BTBD9: variants seen among roughly 807,000 people sequenced by gnomAD.
The protein encoded by BTBD9 is BTB/POZ domain-containing protein 9.
Under a neutral mutation model 64.3 loss-of-function variants are expected in BTBD9, and 49 were observed. That is an observed-to-expected ratio of 0.76 (90% confidence interval 0.61 to 0.97). The LOEUF (loss-of-function observed/expected upper bound fraction) is 0.97. Ranked by LOEUF, BTBD9 falls within the 50% of genes least tolerant of loss-of-function variation. The pLI is 0.00. For synonymous variants in BTBD9, 260 were observed against 274.7 expected (o/e 0.95, Z 0.53); for missense variants, 598 against 762.1 (o/e 0.78, Z 2.53).
chr6:38,358,429 G>A (rs556578003), intron 6 of BTBD9, among the ~76,000 whole-genome samples: 8 of 152,272 alleles, frequency 5.3e-5, no homozygotes, highest in East Asian at 1.9e-4. Flanking sequence ...GCAGAGCTAC[G>A]GGAATAGAGT....
chr6:38,241,305 T>C (rs1763984771), intron 9 of BTBD9, among the ~76,000 whole-genome samples: 1 of 152,204 alleles, frequency 6.6e-6, no homozygotes, highest in East Asian at 1.9e-4. Flanking sequence ...ACTAAGGCTC[T>C]GAGAACCGCA....
chr6:38,278,418 G>C (rs1283689719), intron 8 of BTBD9, among the ~76,000 whole-genome samples: 2 of 152,206 alleles, frequency 1.3e-5, no homozygotes, highest in Non-Finnish European at 2.9e-5. Flanking sequence ...TAAAGTCTCA[G>C]TTGCAACATA....
intron 1 of BTBD9, among the ~76,000 whole-genome samples, chr6:38,605,056 T>A (rs1478080713): frequency 1.3e-5 from 2 of 152,058 alleles, no homozygotes; most frequent in Non-Finnish European, 2.9e-5. Flanking sequence ...TAATTCTTTT[T>A]TTTTTTTTTA....
chr6:38,512,916 A>G (rs775262957), intron 6 of BTBD9, among the ~76,000 whole-genome samples: 14 of 152,222 alleles, frequency 9.2e-5, no homozygotes, highest in Non-Finnish European at 1.9e-4. Context: ...AAGATGATGT[A>G]TAGCCTGAAA....
chr6:38,596,400 C>A (rs1206684465), intron 2 of BTBD9, among the ~76,000 whole-genome samples: 1 of 152,004 alleles, frequency 6.6e-6, no homozygotes, highest in African/African-American at 2.4e-5. Flanking sequence ...ATACTAATCA[C>A]CTAAAAGATA....
intron 9 of BTBD9, among the ~76,000 whole-genome samples, chr6:38,233,522 T>A (rs1383788664): frequency 6.6e-6 from 1 of 152,202 alleles, no homozygotes; most frequent in Non-Finnish European, 1.5e-5. Flanking sequence ...CACACAAGGC[T>A]GGGCAGAAAG....
At position 38,540,110 on chromosome 6, in the gene BTBD9, T is replaced by C. The variant is rs80014255; in HGVS notation, c.1154+37490A>G. On this transcript the variant is annotated intron_variant, in intron 6 of 10. Coordinates refer to ENST00000481247, the MANE Select transcript of BTBD9 (RefSeq NM_001099272.2). ...TCCAAATTTTAAAATGGGGCTGAGA[T>C]AGTTTAGGACTCAAAAGTATACTAG... Among the ~76,000 whole-genome samples the C allele has an allele frequency of 4.6e-3, 701 of 152,284 alleles. 5 individuals carry two copies. Among genetic ancestry groups the C allele is most frequent in the African/African-American group, 0.016 (660 of 41,540 alleles).
intron 7 of BTBD9, among the ~76,000 whole-genome samples, chr6:38,327,815 T>C (rs1327336824): frequency 6.6e-6 from 1 of 152,222 alleles, no homozygotes; most frequent in African/African-American, 2.4e-5. Context: ...ATTTTTTCAT[T>C]TGGTATCTAT....
chr6:38,568,684 C>T (rs1433929599), intron 6 of BTBD9, among the ~76,000 whole-genome samples: 1 of 152,200 alleles, frequency 6.6e-6, no homozygotes, highest in Non-Finnish European at 1.5e-5. Context: ...TTCATTTCCT[C>T]ACATGCAGCA....
At chr6:38,203,603 C>T (rs561716664) in intron 9 of BTBD9, among the ~76,000 whole-genome samples, 7 of 152,056 alleles carry the variant, frequency 4.6e-5, no homozygotes, top group African/African-American at 1.2e-4. Context: ...TGCAGCAACA[C>T]GGATGAAACT....
chr6:38,574,580 A>G (rs1050342783), intron 6 of BTBD9, among the ~76,000 whole-genome samples: 1 of 152,170 alleles, frequency 6.6e-6, no homozygotes, highest in African/African-American at 2.4e-5. Context: ...TAGGAAAAAT[A>G]ATAAAAATGA....
intron 1 of BTBD9, among the ~76,000 whole-genome samples, chr6:38,636,447 T>C (rs1778529563): frequency 6.6e-6 from 1 of 152,228 alleles, no homozygotes; most frequent in Admixed American, 6.5e-5. Context: ...ATTTCTTCTC[T>C]CCACTTCAAA....
chr6:38,542,620 T>C (rs972441168), intron 6 of BTBD9, among the ~76,000 whole-genome samples: 5 of 152,140 alleles, frequency 3.3e-5, no homozygotes, highest in African/African-American at 1.2e-4. Context: ...ACTATAAATA[T>C]TAATTGATGA....
At position 38,319,331 on chromosome 6, in the gene BTBD9, C is replaced by T. The variant is rs529413029; in HGVS notation, c.1264+25653G>A. On this transcript the variant is annotated intron_variant, in intron 7 of 10. Coordinates refer to ENST00000481247, the MANE Select transcript of BTBD9 (RefSeq NM_001099272.2). ...AAAGATAATAATCCCTTTATTATTC[C>T]GTCTCCTTTTCTCAAGCAGTAGGAG... Among the ~76,000 whole-genome samples the T allele has an allele frequency of 1.6e-4, 25 of 152,100 alleles. No homozygotes were observed. The South Asian group carries it at 3.9e-3, about 24-fold the overall frequency.
chr6:38,220,941 C>T (rs1441348157), intron 9 of BTBD9, among the ~76,000 whole-genome samples: 1 of 152,174 alleles, frequency 6.6e-6, no homozygotes, highest in Non-Finnish European at 1.5e-5. Context: ...CAAGGTCATA[C>T]AGATGCAAGA....
intron 6 of BTBD9, among the ~76,000 whole-genome samples, chr6:38,398,813 A>G (rs1351010018): frequency 6.6e-6 from 1 of 152,136 alleles, no homozygotes; most frequent in Admixed American, 6.6e-5. Flanking sequence ...TAAACATATA[A>G]TTATTTAATT....
At chr6:38,434,664 T>C (rs915295252) in intron 6 of BTBD9, among the ~76,000 whole-genome samples, 2 of 152,010 alleles carry the variant, frequency 1.3e-5, no homozygotes, top group Non-Finnish European at 2.9e-5. Context: ...ATATTTTACA[T>C]AGTTTGACTC....
chr6:38,299,689 C>A (rs1266834490), intron 7 of BTBD9, among the ~76,000 whole-genome samples: 1 of 152,156 alleles, frequency 6.6e-6, no homozygotes, highest in Non-Finnish European at 1.5e-5. Context: ...CCTTTGCCCA[C>A]TTTTTGATGG....
At chr6:38,296,724 ATATTT>A (rs1030496021) in intron 7 of BTBD9, among the ~76,000 whole-genome samples, 1 of 152,170 alleles carries the variant, frequency 6.6e-6, no homozygotes, top group Non-Finnish European at 1.5e-5. Flanking sequence ...TCATTTCTAA[ATATTT>A]TATAATTTCC....
Sources: gnomAD v4.1 joint callset for allele counts (sites outside exome capture counted in the v4.1 genomes callset) on GRCh38, gnomAD v4.1.1 for gene constraint, MANE v1.5 for transcripts, NCBI Gene and HGNC (gene_info 2026-07-23, HGNC 2026-07-21) for gene names.